COL14A1: variants seen among roughly 807,000 people sequenced by gnomAD.
COL14A1 encodes the protein collagen type XIV alpha 1 chain.
COL14A1 carries 136 observed loss-of-function variants against 230.3 expected under a neutral mutation model. That is an observed-to-expected ratio of 0.59 (90% confidence interval 0.51 to 0.68). The LOEUF is 0.68. COL14A1 is among the 30% of genes least tolerant of loss of function. The pLI is 0.00. For missense variants in COL14A1, 1,976 were observed against 2,215.8 expected, an observed-to-expected ratio of 0.89 and a Z score of 2.17; for synonymous variants, 792 against 784.1, an observed-to-expected ratio of 1.01 and a Z score of -0.17.
chr8:120,276,248 G>T (rs1819840230), intron 26 of COL14A1, among the ~76,000 whole-genome samples: 1 of 151,296 alleles, frequency 6.6e-6, no homozygotes, highest in African/African-American at 2.4e-5. Flanking sequence ...TCTAAGTGAA[G>T]TAATTCAGGA....
chr8:120,287,549 C>A (rs376480126), intron 33 of COL14A1, among the ~76,000 whole-genome samples: 1 of 152,158 alleles, frequency 6.6e-6, no homozygotes, highest in African/African-American at 2.4e-5. Flanking sequence ...TCCAAAGAAT[C>A]CTTTGTAAGT....
intron 12 of COL14A1, 41 bp from the exon 13 acceptor site, chr8:120,212,407 T>C: frequency 1.2e-6 from 2 of 1,606,062 alleles, no homozygotes; most frequent in Non-Finnish European, 1.7e-6. Flanking sequence ...GCATGAATAA[T>C]ATGTATTGGC....
chr8:120,166,944 G>C (rs1208257622), intron 4 of COL14A1, among the ~76,000 whole-genome samples: 1 of 149,696 alleles, frequency 6.7e-6, no homozygotes, highest in South Asian at 2.1e-4. Flanking sequence ...GGTGGTGGTG[G>C]GGGTGCTCCA....
chr8:120,304,120 T>A (rs958721720), intron 36 of COL14A1, among the ~76,000 whole-genome samples: 2 of 152,130 alleles, frequency 1.3e-5, no homozygotes, highest in African/African-American at 4.8e-5. Flanking sequence ...TTTATTTGGA[T>A]CTTCTTTCTT....
intron 21 of COL14A1, among the ~76,000 whole-genome samples, chr8:120,249,188 G>T (rs1818864310): frequency 6.6e-6 from 1 of 151,326 alleles, no homozygotes; most frequent in African/African-American, 2.4e-5. Context: ...AAAGTGCTGG[G>T]ATTACAAGCG....
At chr8:120,301,195 C>CT (rs60598444) in intron 36 of COL14A1, among the ~76,000 whole-genome samples, 2,590 of 152,140 alleles carry the variant, frequency 0.017, 77 homozygotes, top group African/African-American at 0.058. Context: ...CACTTTCTCT[C>CT]TTTTTTTAAA....
At chr8:120,256,145 T>C (rs1819143914) in intron 23 of COL14A1, among the ~76,000 whole-genome samples, 1 of 152,226 alleles carries the variant, frequency 6.6e-6, no homozygotes. Flanking sequence ...TAGGAGATGC[T>C]AAAGAATCCC....
chr8:120,315,082 T>TA (rs1161155601), intron 38 of COL14A1, among the ~76,000 whole-genome samples: 1 of 152,182 alleles, frequency 6.6e-6, no homozygotes, highest in Non-Finnish European at 1.5e-5. Context: ...TGAAATATAT[T>TA]CTGTTGGCCA....
chr8:120,319,649 A>G (rs1457735123), intron 40 of COL14A1, among the ~76,000 whole-genome samples: 1 of 152,224 alleles, frequency 6.6e-6, no homozygotes, highest in Non-Finnish European at 1.5e-5. Context: ...AAAGGAGAAG[A>G]TGAAACATCT....
At chr8:120,286,579 G>A (rs1185037857) in intron 33 of COL14A1, among the ~76,000 whole-genome samples, 1 of 151,998 alleles carries the variant, frequency 6.6e-6, no homozygotes, top group Non-Finnish European at 1.5e-5. Flanking sequence ...GCGCGATCTT[G>A]GCTCACTACA....
intron 13 of COL14A1, among the ~76,000 whole-genome samples, chr8:120,213,278 T>C (rs931717870): frequency 1.3e-5 from 2 of 152,112 alleles, no homozygotes; most frequent in Non-Finnish European, 1.5e-5. Flanking sequence ...TGATAATACT[T>C]ACCACATACT....
chr8:120,285,902 G>A lies in COL14A1; in HGVS notation c.4009G>A (p.Gly1337Arg), dbSNP rs1820183257. 1.9e-6 allele frequency: 3 copies of A among 1,611,192 alleles called. No homozygotes were observed. Among genetic ancestry groups the A allele is most frequent in the Non-Finnish European group, 2.5e-6 (3 of 1,177,844 alleles). ...TLTYFNYDQS[G>R]DFQTVTFEGP... ...AACATATTTCAACTATGACCAGAGT[G>A]GGGATTTTCAAACTGTTACTTTCGA... Residue 1337 changes from glycine to arginine, a missense_variant, in exon 33 of 48, where the codon GGG becomes AGG. Physicochemically the swap from Gly to Arg is moderately radical, Grantham distance 125. Around this residue, in one of 3 missense-constraint regions of COL14A1, gnomAD observed 1,791 missense variants for 2,019.5 expected, o/e 0.89. Coordinates refer to ENST00000297848, the MANE Select transcript of COL14A1 (RefSeq NM_021110.4).
chr8:120,225,527 C>A (rs980167126), intron 15 of COL14A1, among the ~76,000 whole-genome samples: 1 of 152,146 alleles, frequency 6.6e-6, no homozygotes, highest in Non-Finnish European at 1.5e-5. Context: ...CTACATCCTT[C>A]TTCCATTCAA....
intron 17 of COL14A1, 97 bp from the exon 18 acceptor site, chr8:120,228,613 A>G (rs909112169): frequency 3.4e-6 from 3 of 888,018 alleles, no homozygotes; most frequent in Non-Finnish European, 5.6e-6. Flanking sequence ...GAGGCAAGTG[A>G]GATAATATAG....
chr8:120,204,540 G>A (rs1203461740), intron 9 of COL14A1, among the ~76,000 whole-genome samples: 4 of 152,132 alleles, frequency 2.6e-5, no homozygotes, highest in Non-Finnish European at 1.5e-5. Context: ...TCCATGATAT[G>A]GATGTGCCAC....
intron 24 of COL14A1, among the ~76,000 whole-genome samples, chr8:120,264,778 G>A (rs1225805907): frequency 1.3e-5 from 2 of 152,130 alleles, no homozygotes; most frequent in Non-Finnish European, 2.9e-5. Flanking sequence ...TGTTTAGACA[G>A]TGCATGTGCG....
chr8:120,171,792 A>G (rs955978181), intron 5 of COL14A1, among the ~76,000 whole-genome samples: 5 of 152,168 alleles, frequency 3.3e-5, no homozygotes, highest in Admixed American at 3.3e-4. Flanking sequence ...TTTTCTCAGC[A>G]ACTTATATTC....
chr8:120,230,795 G>C (rs1818242843), intron 18 of COL14A1, among the ~76,000 whole-genome samples: 1 of 152,184 alleles, frequency 6.6e-6, no homozygotes, highest in African/African-American at 2.4e-5. Context: ...AAAGGAGAAT[G>C]AGAAAAGATG....
intron 1 of COL14A1, among the ~76,000 whole-genome samples, chr8:120,138,359 G>A (rs968306424): frequency 5.3e-5 from 8 of 151,992 alleles, no homozygotes; most frequent in Non-Finnish European, 1.0e-4. Context: ...CAGGATTTGA[G>A]GGCAGTTTTA....
Sources: allele counts gnomAD v4.1 joint callset (sites outside exome capture counted in the v4.1 genomes callset), GRCh38; gene constraint gnomAD v4.1.1; regional missense constraint gnomAD v4.1.1; transcripts MANE v1.5; gene names NCBI Gene and HGNC (gene_info 2026-07-23, HGNC 2026-07-21).